Variants in HMGCLL1 observed in about 807,000 individuals in gnomAD.
The protein encoded by HMGCLL1 is 3-hydroxymethyl-3-methylglutaryl-CoA lyase, cytoplasmic.
In HMGCLL1, 36 loss-of-function variants were observed where a neutral mutation model predicts 39.1. The ratio of observed to expected loss-of-function variants is 0.92; its 90% CI spans 0.71 to 1.22. The LOEUF (loss-of-function observed/expected upper bound fraction) is 1.22. HMGCLL1 is among the 50% of genes most tolerant of loss of function. The probability of loss-of-function intolerance (pLI) is 0.00; values close to 1 mark genes in which losing one functional copy is unlikely to be tolerated. For synonymous variants in HMGCLL1, 149 were observed against 144.0 expected (o/e 1.03, Z -0.25); for missense variants, 451 against 416.5 (o/e 1.08, Z -0.72).
chr6:55,650,118 TATATATATATATATATACACAC>T, the HMGCLL1 span, among the ~76,000 whole-genome samples: 472 of 81,288 alleles, frequency 5.8e-3, 13 homozygotes, highest in Non-Finnish European at 9.3e-3. Context: ...TATATATATA[TATATATATATATATATACACAC>T]ACACACACAT....
the HMGCLL1 span, among the ~76,000 whole-genome samples, chr6:55,610,832 A>G: frequency 6.6e-6 from 1 of 152,144 alleles, no homozygotes; most frequent in East Asian, 1.9e-4. Context: ...TTAACAGTGG[A>G]TCTCTCAGCA....
intron 7 of HMGCLL1, among the ~76,000 whole-genome samples, chr6:55,477,469 A>AAT (rs1294005403): frequency 3.2e-5 from 3 of 92,322 alleles, no homozygotes; most frequent in South Asian, 5.8e-4. Context: ...TATAATATAT[A>AAT]ATATATATAT....
the HMGCLL1 span, among the ~76,000 whole-genome samples, chr6:55,623,091 A>T: frequency 2.0e-5 from 3 of 151,858 alleles, no homozygotes; most frequent in African/African-American, 7.2e-5. Context: ...AATTTCTATC[A>T]GTTATAATAT....
the HMGCLL1 span, among the ~76,000 whole-genome samples, chr6:55,649,380 T>A: frequency 6.6e-6 from 1 of 151,854 alleles, no homozygotes; most frequent in African/African-American, 2.4e-5. Context: ...AAAGGTTTTT[T>A]TTTTTTTTCC....
chr6:55,459,614 T>C (rs572467378), intron 7 of HMGCLL1, among the ~76,000 whole-genome samples: 3 of 152,226 alleles, frequency 2.0e-5, no homozygotes, highest in South Asian at 2.1e-4. Context: ...CAAAACACTA[T>C]TTAATAACGA....
the HMGCLL1 span, among the ~76,000 whole-genome samples, chr6:55,589,758 G>A: frequency 2.3e-4 from 35 of 151,664 alleles, no homozygotes; most frequent in East Asian, 4.9e-3. Flanking sequence ...TACACCAATA[G>A]CAGACAAACA....
At chr6:55,545,023 A>C (rs1769881220) in intron 1 of HMGCLL1, among the ~76,000 whole-genome samples, 1 of 152,102 alleles carries the variant, frequency 6.6e-6, no homozygotes, top group Non-Finnish European at 1.5e-5. Flanking sequence ...AGTAAATAAG[A>C]AAAGCTCACT....
In HMGCLL1 at chr6:55,477,262, TTA is replaced by T. The variant is rs1422890612; in HGVS notation, c.795+18155_795+18156del. Among the ~76,000 whole-genome samples, 4 of 21,726 alleles carry T rather than the reference TTA, an allele frequency of 1.8e-4. No individual in the cohort carries two copies. In the African/African-American group the frequency reaches 1.9e-3, roughly 10 times the overall value. 14.3% of individuals were successfully genotyped at this position (21,726 alleles called of 152,430 possible). A position where few individuals can be genotyped will look rare whatever the true frequency, so the allele number is the denominator to read the frequency against. Reference sequence around the variant, plus strand: ...ATATTTATATAATATATAATATATATTATATAATATATATTATATATTATATA... The same window carrying T: ...ATATTTATATAATATATAATATATATTATAATATATATTATATATTATATA... On this transcript the variant is annotated intron_variant, in intron 7 of 8. Coordinates refer to ENST00000274901, the MANE Select transcript of HMGCLL1 (RefSeq NM_001042406.2).
chr6:55,564,252 C>G (rs1771103541), intron 1 of HMGCLL1, among the ~76,000 whole-genome samples: 1 of 151,926 alleles, frequency 6.6e-6, no homozygotes, highest in African/African-American at 2.4e-5. Flanking sequence ...TAATTTGTTG[C>G]AGTATCTTTA....
chr6:55,491,291 T>C (rs947484332), intron 7 of HMGCLL1, among the ~76,000 whole-genome samples: 5 of 152,202 alleles, frequency 3.3e-5, no homozygotes, highest in African/African-American at 1.2e-4. Context: ...ATAGCACATG[T>C]GTACATATGT....
At chr6:55,624,229 A>G in the HMGCLL1 span, among the ~76,000 whole-genome samples, 1 of 152,050 alleles carries the variant, frequency 6.6e-6, no homozygotes, top group Non-Finnish European at 1.5e-5. Flanking sequence ...TCCCCATTCA[A>G]CTCTCCCATT....
At chr6:55,639,543 A>G in the HMGCLL1 span, among the ~76,000 whole-genome samples, 1 of 152,066 alleles carries the variant, frequency 6.6e-6, no homozygotes, top group African/African-American at 2.4e-5. Context: ...ATAGAGATGA[A>G]TAGTCTATGA....
At chr6:55,656,794 G>T in the HMGCLL1 span, among the ~76,000 whole-genome samples, 1 of 151,986 alleles carries the variant, frequency 6.6e-6, no homozygotes, top group Admixed American at 6.6e-5. Context: ...TGATTTCAAA[G>T]ATTGCTGAGG....
At chr6:55,654,492 T>A in the HMGCLL1 span, among the ~76,000 whole-genome samples, 3 of 151,946 alleles carry the variant, frequency 2.0e-5, no homozygotes, top group African/African-American at 4.8e-5. Flanking sequence ...ATGTCATCTA[T>A]CGACTAACTC....
At chr6:55,627,304 T>A in the HMGCLL1 span, among the ~76,000 whole-genome samples, 1 of 152,100 alleles carries the variant, frequency 6.6e-6, no homozygotes, top group Non-Finnish European at 1.5e-5. Flanking sequence ...TGACATAAGA[T>A]TTATTGACTT....
At chr6:55,588,341 G>A in the HMGCLL1 span, among the ~76,000 whole-genome samples, 2 of 151,986 alleles carry the variant, frequency 1.3e-5, no homozygotes, top group Non-Finnish European at 2.9e-5. Flanking sequence ...AAATAAAGAT[G>A]TTCTTTGAAA....
Position 55,471,279 on chromosome 6 carries a change from A to T in HMGCLL1, c.795+24140T>A, listed in dbSNP as rs1765034314. Among the ~76,000 whole-genome samples, 3 of 151,836 alleles carry T rather than the reference A, an allele frequency of 2.0e-5. No individual in the cohort carries two copies. In the South Asian group the frequency reaches 6.2e-4, roughly 31 times the overall value. On this transcript the variant is annotated intron_variant, in intron 7 of 8. Transcript: ENST00000274901. Reference sequence around the variant, plus strand: ...TGTCAATATTCCTTGTCTTGACTAGATGATTTTCATTTGTGTGAATATGGC... The same window carrying T: ...TGTCAATATTCCTTGTCTTGACTAGTTGATTTTCATTTGTGTGAATATGGC...
At chr6:55,465,730 C>T (rs540840398) in intron 7 of HMGCLL1, among the ~76,000 whole-genome samples, 89 of 152,066 alleles carry the variant, frequency 5.9e-4, no homozygotes, top group African/African-American at 1.8e-3. Context: ...AATCTGGTAA[C>T]GTTCTGACTA....
chr6:55,491,579 G>C (rs915067384), intron 7 of HMGCLL1, among the ~76,000 whole-genome samples: 2 of 152,144 alleles, frequency 1.3e-5, no homozygotes, highest in Non-Finnish European at 1.5e-5. Context: ...TGTTATTTCA[G>C]TATTGGATCT....
Sources: gnomAD v4.1 joint callset for allele counts (sites outside exome capture counted in the v4.1 genomes callset) on GRCh38, gnomAD v4.1.1 for gene constraint, MANE v1.5 for transcripts, NCBI Gene and HGNC (gene_info 2026-07-23, HGNC 2026-07-21) for gene names.